The following TLE4 variants were observed in gnomAD, a reference collection of about 807,000 sequenced individuals.
TLE4 encodes the protein transducin-like enhancer protein 4.
TLE4 carries 8 observed loss-of-function variants against 92.8 expected under a neutral mutation model. The ratio of observed to expected loss-of-function variants is 0.09; its 90% CI spans 0.05 to 0.16. The LOEUF (loss-of-function observed/expected upper bound fraction) is 0.16. TLE4 is among the 10% of genes least tolerant of loss of function. The probability of loss-of-function intolerance (pLI) is 1.00; values close to 1 mark genes in which losing one functional copy is unlikely to be tolerated. For missense variants in TLE4, 675 were observed against 997.6 expected, an observed-to-expected ratio of 0.68 and a Z score of 4.36; for synonymous variants, 371 against 374.1, an observed-to-expected ratio of 0.99 and a Z score of 0.10.
chr9:79,680,847 A>G (rs995230997), intron 8 of TLE4, among the ~76,000 whole-genome samples: 3 of 152,144 alleles, frequency 2.0e-5, no homozygotes, highest in African/African-American at 4.8e-5. Flanking sequence ...GCGTTGTTGA[A>G]TTTTGTCAAA....
intron 5 of TLE4, among the ~76,000 whole-genome samples, chr9:79,625,157 C>G (rs1358436605): frequency 6.8e-6 from 1 of 148,000 alleles, no homozygotes; most frequent in Admixed American, 6.7e-5. Flanking sequence ...GTAGCTGGGA[C>G]TACAGGCGCC....
intron 8 of TLE4, chr9:79,668,799 CTT>C (rs1459396301): frequency 1.0e-6 from 1 of 985,054 alleles, no homozygotes; most frequent in Non-Finnish European, 1.2e-6. Context: ...ACAAAATACT[CTT>C]TTGTATATTC....
chr9:79,613,242 C>T (rs1218781175), intron 5 of TLE4, among the ~76,000 whole-genome samples: 1 of 152,102 alleles, frequency 6.6e-6, no homozygotes, highest in Non-Finnish European at 1.5e-5. Flanking sequence ...AAGATGAACT[C>T]ATTGAACTCG....
chr9:79,723,571 G>A (rs981810280), intron 19 of TLE4, among the ~76,000 whole-genome samples: 10 of 152,080 alleles, frequency 6.6e-5, no homozygotes, highest in Admixed American at 2.0e-4. Context: ...ATATATGCAC[G>A]CGTGCACACA....
At chr9:79,632,530 A>C (rs1350089153) in intron 6 of TLE4, among the ~76,000 whole-genome samples, 2 of 152,118 alleles carry the variant, frequency 1.3e-5, no homozygotes, top group Non-Finnish European at 2.9e-5. Flanking sequence ...GGGGCTTTAC[A>C]GTGTAGGTAG....
chr9:79,721,457 T>C (rs1240716025), intron 16 of TLE4, among the ~76,000 whole-genome samples: 1 of 152,210 alleles, frequency 6.6e-6, no homozygotes, highest in Non-Finnish European at 1.5e-5. Context: ...TGTTTTCTTT[T>C]GTTAATTTCA....
At chr9:79,670,240 G>A (rs1309664788) in intron 8 of TLE4, among the ~76,000 whole-genome samples, 2 of 151,664 alleles carry the variant, frequency 1.3e-5, no homozygotes, top group Admixed American at 1.3e-4. Flanking sequence ...AATAAGGCAA[G>A]AAGTTTATCA....
chr9:79,702,499 C>T (rs1474096047), intron 8 of TLE4, among the ~76,000 whole-genome samples: 1 of 152,164 alleles, frequency 6.6e-6, no homozygotes, highest in Non-Finnish European at 1.5e-5. Context: ...TGACCCAAGT[C>T]TCATGGCTTG....
At chr9:79,638,074 A>G (rs554472200) in intron 6 of TLE4, among the ~76,000 whole-genome samples, 8 of 152,096 alleles carry the variant, frequency 5.3e-5, no homozygotes, top group African/African-American at 1.9e-4. Context: ...AGAAACTTGG[A>G]AATCAGGAGT....
At chr9:79,611,073 A>G (rs976288730) in intron 4 of TLE4, among the ~76,000 whole-genome samples, 7 of 151,934 alleles carry the variant, frequency 4.6e-5, no homozygotes, top group Non-Finnish European at 1.0e-4. Flanking sequence ...TAACAACCAA[A>G]TGCATTTGAG....
intron 6 of TLE4, among the ~76,000 whole-genome samples, chr9:79,638,484 T>C (rs1443448216): frequency 1.3e-5 from 2 of 152,036 alleles, no homozygotes; most frequent in Non-Finnish European, 2.9e-5. Flanking sequence ...CTCAGAATGG[T>C]ACATTCTTGA....
chr9:79,668,141 G>A (rs1030769870), intron 8 of TLE4, among the ~76,000 whole-genome samples: 1 of 152,206 alleles, frequency 6.6e-6, no homozygotes, highest in African/African-American at 2.4e-5. Flanking sequence ...TAGTTACTGG[G>A]TGGGTTTCAG....
Position 79,725,350 on chromosome 9 carries a change from G to T in TLE4, c.*206G>T. On this transcript the variant is annotated 3_prime_UTR_variant, in exon 20 of 20. Coordinates refer to ENST00000376552, the MANE Select transcript of TLE4 (RefSeq NM_007005.6). ...AAAAACCTGTGATACCAAATCTTCA[G>T]CTGTCTACTTGGAAGAACATGGAAT... 1 of 446,658 alleles carries T rather than the reference G, an allele frequency of 2.2e-6. No individual in the cohort carries two copies. The highest frequency in any genetic ancestry group is 4.1e-6 in the Non-Finnish European group (1 of 246,436). 27.7% of individuals were successfully genotyped at this position (446,658 alleles called of 1,614,324 possible). A position where few individuals can be genotyped will look rare whatever the true frequency, so the allele number is the denominator to read the frequency against.
chr9:79,695,312 G>A (rs1326134929), intron 8 of TLE4, among the ~76,000 whole-genome samples: 2 of 150,198 alleles, frequency 1.3e-5, no homozygotes, highest in African/African-American at 4.9e-5. Flanking sequence ...TATTTTTGAA[G>A]GCTGCCTCCC....
At chr9:79,649,784 G>A (rs753068875) in intron 6 of TLE4, 1 of 1,355,580 alleles carries the variant, frequency 7.4e-7, no homozygotes, top group Non-Finnish European at 9.8e-7. Flanking sequence ...CTGGTCCAAT[G>A]GAACGATGAG....
chr9:79,591,076 T>C (rs2042419034), intron 4 of TLE4, among the ~76,000 whole-genome samples: 1 of 152,210 alleles, frequency 6.6e-6, no homozygotes, highest in African/African-American at 2.4e-5. Flanking sequence ...CAGGTTGCTT[T>C]GAGGGCTAGC....
chr9:79,709,755 G>C, intron 14 of TLE4, 56 bp downstream of exon 14: 1 of 1,508,500 alleles, frequency 6.6e-7, no homozygotes, highest in South Asian at 1.1e-5. Context: ...TCCCTTGCTG[G>C]CCCCGTAGAC....
At chr9:79,703,152 A>C (rs1241825291) in intron 8 of TLE4, among the ~76,000 whole-genome samples, 3 of 152,064 alleles carry the variant, frequency 2.0e-5, no homozygotes, top group Non-Finnish European at 4.4e-5. Flanking sequence ...ATTGATTTGC[A>C]TGCCAGACAG....
chr9:79,682,323 C>T (rs1380116243), intron 8 of TLE4, among the ~76,000 whole-genome samples: 1 of 152,056 alleles, frequency 6.6e-6, no homozygotes, highest in Non-Finnish European at 1.5e-5. Flanking sequence ...TTATTCCAGC[C>T]CCTGTTAGAG....
Sources: allele counts gnomAD v4.1 joint callset (sites outside exome capture counted in the v4.1 genomes callset), GRCh38; gene constraint gnomAD v4.1.1; transcripts MANE v1.5; gene names NCBI Gene and HGNC (gene_info 2026-07-23, HGNC 2026-07-21).